Variants in SGCZ observed in about 807,000 individuals in gnomAD.
The protein encoded by SGCZ is sarcoglycan zeta.
In SGCZ, 40 loss-of-function variants were observed where a neutral mutation model predicts 41.3. The observed-to-expected ratio is 0.97, with a 90% CI of 0.75 to 1.26. The LOEUF (loss-of-function observed/expected upper bound fraction) is 1.26, where lower values mean the gene tolerates loss of function less well. Among genes scored for constraint, SGCZ ranks in the 50% most tolerant of loss-of-function variants. The probability of loss-of-function intolerance (pLI) is 0.00; values close to 1 mark genes in which losing one functional copy is unlikely to be tolerated. For missense variants in SGCZ, 552 were observed against 369.8 expected (o/e 1.49, Z -4.04); for synonymous variants, 206 against 137.5 (o/e 1.50, Z -3.49).
intron 1 of SGCZ, among the ~76,000 whole-genome samples, chr8:15,158,426 T>C (rs557672811): frequency 5.3e-5 from 8 of 152,358 alleles, no homozygotes; most frequent in Admixed American, 2.0e-4. Context: ...ATATAAATCA[T>C]AGCTGTAACT....
chr8:14,240,478 A>G (rs948104370), intron 3 of SGCZ, among the ~76,000 whole-genome samples: 6 of 151,994 alleles, frequency 3.9e-5, no homozygotes, highest in African/African-American at 9.7e-5. Flanking sequence ...TTCTTTTCAT[A>G]TAATTCTCCT....
In SGCZ at chr8:14,208,093, C is replaced by G. The variant is rs117223717; in HGVS notation, c.424+29499G>C. 6.4e-3 allele frequency among the ~76,000 whole-genome samples: 975 copies of G among 152,282 alleles called. 33 individuals are homozygous for G. Among genetic ancestry groups the G allele is most frequent in the Admixed American group, 0.048 (739 of 15,278 alleles). On this transcript the variant is annotated intron_variant, in intron 4 of 7. Coordinates refer to ENST00000382080, the MANE Select transcript of SGCZ (RefSeq NM_139167.4). Reference sequence around the variant, plus strand: ...TACTACAAAGGTTTAAATGCCTATACTCAATGTACTTCCTACTAACCATGT... The same window carrying G: ...TACTACAAAGGTTTAAATGCCTATAGTCAATGTACTTCCTACTAACCATGT...
intron 4 of SGCZ, among the ~76,000 whole-genome samples, chr8:14,221,427 T>C (rs1177266872): frequency 6.6e-6 from 1 of 152,232 alleles, no homozygotes; most frequent in Non-Finnish European, 1.5e-5. Flanking sequence ...TATCCATTCC[T>C]ACCACAGTGC....
At chr8:14,458,888 T>C (rs1021946872) in intron 2 of SGCZ, among the ~76,000 whole-genome samples, 7 of 151,928 alleles carry the variant, frequency 4.6e-5, no homozygotes, top group Non-Finnish European at 5.9e-5. Context: ...CTTGGAGAAG[T>C]TGCTGATCGA....
intron 1 of SGCZ, among the ~76,000 whole-genome samples, chr8:14,667,471 C>T (rs11990504): frequency 0.34 from 51,244 of 151,940 alleles, 11,117 homozygotes; most frequent in African/African-American, 0.62. Flanking sequence ...TGTCGTACCA[C>T]ACCAAATTAA....
chr8:15,219,745 CCCAA>C (rs1801529253), intron 1 of SGCZ, among the ~76,000 whole-genome samples: 1 of 152,136 alleles, frequency 6.6e-6, no homozygotes, highest in Non-Finnish European at 1.5e-5. Flanking sequence ...ACAGATCATT[CCCAA>C]TCACCTACTC....
chr8:14,608,027 G>C (rs767468740), intron 1 of SGCZ, among the ~76,000 whole-genome samples: 3 of 152,188 alleles, frequency 2.0e-5, no homozygotes, highest in Non-Finnish European at 2.9e-5. Flanking sequence ...TGAGAAGTAA[G>C]ATTACAATGT....
chr8:14,120,904 A>T (rs936206926), intron 5 of SGCZ, among the ~76,000 whole-genome samples: 1 of 152,162 alleles, frequency 6.6e-6, no homozygotes, highest in African/African-American at 2.4e-5. Flanking sequence ...CATCAATGAT[A>T]GTTTCATGGA....
At chr8:14,348,914 G>C (rs1412447343) in intron 2 of SGCZ, among the ~76,000 whole-genome samples, 2 of 151,990 alleles carry the variant, frequency 1.3e-5, no homozygotes, top group Non-Finnish European at 2.9e-5. Context: ...TCTCTACGCA[G>C]CAATGGAAAG....
chr8:14,696,038 G>C (rs1298071268), intron 1 of SGCZ, among the ~76,000 whole-genome samples: 1 of 152,028 alleles, frequency 6.6e-6, no homozygotes, highest in African/African-American at 2.4e-5. Flanking sequence ...CATATCCAGA[G>C]AGCTCCCGGG....
chr8:14,825,614 C>T (rs1300221948), intron 1 of SGCZ, among the ~76,000 whole-genome samples: 1 of 152,108 alleles, frequency 6.6e-6, no homozygotes, highest in Non-Finnish European at 1.5e-5. Flanking sequence ...AATTAATTAA[C>T]TCATTCATCC....
chr8:14,225,982 A>T (rs1407236686), intron 4 of SGCZ, among the ~76,000 whole-genome samples: 1 of 152,082 alleles, frequency 6.6e-6, no homozygotes, highest in Non-Finnish European at 1.5e-5. Flanking sequence ...TTTATTTGAC[A>T]AAATCCATGA....
chr8:14,572,262 T>G (rs913738673), intron 1 of SGCZ, among the ~76,000 whole-genome samples: 1 of 152,188 alleles, frequency 6.6e-6, no homozygotes, highest in Non-Finnish European at 1.5e-5. Context: ...CTTTATAATC[T>G]GAAAATAAAG....
chr8:14,401,953 T>C (rs13250590), intron 2 of SGCZ, among the ~76,000 whole-genome samples: 29,583 of 151,342 alleles, frequency 0.2, 3,609 homozygotes, highest in Non-Finnish European at 0.28. Flanking sequence ...GCACCTGTTG[T>C]TTCCTGACTT....
intron 1 of SGCZ, among the ~76,000 whole-genome samples, chr8:15,031,902 C>CCTCTCTCTCTCTCTCTCTCTCTCT (rs751690018): frequency 7.6e-6 from 1 of 130,762 alleles, no homozygotes; most frequent in Non-Finnish European, 1.6e-5. Context: ...CCTCTATATT[C>CCTCTCTCTCTCTCTCTCTCTCTCT]CTCTCTCTCT....
chr8:14,116,644 A>C (rs936603267), intron 5 of SGCZ, among the ~76,000 whole-genome samples: 1 of 152,020 alleles, frequency 6.6e-6, no homozygotes, highest in East Asian at 1.9e-4. Flanking sequence ...TTTCTGTGAG[A>C]TTATTTACCT....
At chr8:14,863,956 C>G (rs1388861364) in intron 1 of SGCZ, among the ~76,000 whole-genome samples, 1 of 152,108 alleles carries the variant, frequency 6.6e-6, no homozygotes, top group Admixed American at 6.6e-5. Context: ...CAAAATAATT[C>G]CAAAGACATT....
intron 4 of SGCZ, among the ~76,000 whole-genome samples, chr8:14,224,351 T>G (rs1806300134): frequency 6.6e-6 from 1 of 152,072 alleles, no homozygotes; most frequent in Non-Finnish European, 1.5e-5. Context: ...TGTCAGCAGA[T>G]AAGATTAGTA....
At chr8:14,652,304 G>T (rs1807425746) in intron 1 of SGCZ, among the ~76,000 whole-genome samples, 1 of 112,888 alleles carries the variant, frequency 8.9e-6, no homozygotes, top group Non-Finnish European at 1.7e-5. Flanking sequence ...TCATGTCATT[G>T]CATGCCACTC....
Sources: gnomAD v4.1 joint callset for allele counts (sites outside exome capture counted in the v4.1 genomes callset) on GRCh38, gnomAD v4.1.1 for gene constraint, MANE v1.5 for transcripts, NCBI Gene and HGNC (gene_info 2026-07-23, HGNC 2026-07-21) for gene names.